The following MYO1D variants were observed in gnomAD, a reference collection of about 807,000 sequenced individuals.
MYO1D encodes unconventional myosin-Id.
MYO1D carries 83 observed loss-of-function variants against 122.0 expected under a neutral mutation model. That is an observed-to-expected ratio of 0.68 (90% confidence interval 0.57 to 0.82). The LOEUF (loss-of-function observed/expected upper bound fraction) is 0.82, where lower values mean the gene tolerates loss of function less well. Among genes scored for constraint, MYO1D ranks in the 40% least tolerant of loss-of-function variants. The pLI is 0.00. For synonymous variants in MYO1D, 464 were observed against 446.9 expected (o/e 1.04, Z -0.48); for missense variants, 1,157 against 1,269.5 (o/e 0.91, Z 1.35).
intron 1 of MYO1D, 72 bp from the exon 2 acceptor site, chr17:32,780,856 T>TTCTCCAATGAACGTATAGATGCGCC: frequency 6.9e-7 from 1 of 1,439,704 alleles, no homozygotes. Context: ...CCTGTGAGTC[T>TTCTCCAATGAACGTATAGATGCGCC]CTTATTTCCA....
chr17:32,627,265 G>T (rs1308912701), intron 20 of MYO1D, among the ~76,000 whole-genome samples: 1 of 152,216 alleles, frequency 6.6e-6, no homozygotes, highest in Non-Finnish European at 1.5e-5. Context: ...TTGAGGGAGG[G>T]CCGAGGGAGT....
chr17:32,670,684 C>T (rs963910556), intron 16 of MYO1D, among the ~76,000 whole-genome samples: 5 of 152,198 alleles, frequency 3.3e-5, no homozygotes, highest in African/African-American at 7.2e-5. Context: ...TGTTTTTACA[C>T]CATGTCCACT....
intron 21 of MYO1D, among the ~76,000 whole-genome samples, chr17:32,558,586 A>G (rs2087089272): frequency 6.6e-6 from 1 of 152,222 alleles, no homozygotes; most frequent in Admixed American, 6.5e-5. Flanking sequence ...TCTTTTCAAG[A>G]GAACCAGGCT....
At chr17:32,672,276 G>A (rs1010866787) in intron 16 of MYO1D, among the ~76,000 whole-genome samples, 4 of 152,178 alleles carry the variant, frequency 2.6e-5, no homozygotes, top group African/African-American at 9.7e-5. Flanking sequence ...CTGGCTCCAA[G>A]AATTGATCAT....
At chr17:32,624,825 T>C (rs977608484) in intron 20 of MYO1D, among the ~76,000 whole-genome samples, 2 of 151,718 alleles carry the variant, frequency 1.3e-5, no homozygotes, top group Non-Finnish European at 2.9e-5. Context: ...AGTCTTGCTC[T>C]TGTTGCCCAG....
chr17:32,679,253 C>G (rs1207760715), intron 16 of MYO1D, among the ~76,000 whole-genome samples: 2 of 150,506 alleles, frequency 1.3e-5, no homozygotes, highest in Non-Finnish European at 3.0e-5. Flanking sequence ...TGCAGAAGCT[C>G]TTTAGTTTAA....
intron 16 of MYO1D, among the ~76,000 whole-genome samples, chr17:32,694,171 G>A (rs1231064494): frequency 2.0e-5 from 3 of 152,018 alleles, no homozygotes; most frequent in Non-Finnish European, 4.4e-5. Context: ...TCTTCATTAC[G>A]GACACCTTTT....
intron 19 of MYO1D, among the ~76,000 whole-genome samples, chr17:32,651,711 CT>C (rs1423685048): frequency 1.8e-5 from 2 of 112,458 alleles, no homozygotes; most frequent in South Asian, 2.7e-4. Context: ...GAGTCTTGTT[CT>C]GTCACCCAGC....
At chr17:32,695,359 CT>C (rs2089159084) in intron 16 of MYO1D, among the ~76,000 whole-genome samples, 1 of 152,242 alleles carries the variant, frequency 6.6e-6, no homozygotes, top group African/African-American at 2.4e-5. Context: ...CCACCTGCTG[CT>C]GTGCGGCCTG....
chr17:32,822,417 C>A (rs1253780163), intron 1 of MYO1D, among the ~76,000 whole-genome samples: 1 of 151,478 alleles, frequency 6.6e-6, no homozygotes, highest in Non-Finnish European at 1.5e-5. Flanking sequence ...CAGCGCCGTC[C>A]GTCCGTTCGT....
intron 16 of MYO1D, among the ~76,000 whole-genome samples, chr17:32,679,324 A>G (rs2088871792): frequency 6.6e-6 from 1 of 151,856 alleles, no homozygotes; most frequent in Non-Finnish European, 1.5e-5. Flanking sequence ...TTGTACATGA[A>G]GTCCTTGCCC....
chr17:32,768,011 C>T (rs1325831548), intron 6 of MYO1D, among the ~76,000 whole-genome samples: 1 of 152,182 alleles, frequency 6.6e-6, no homozygotes, highest in Non-Finnish European at 1.5e-5. Flanking sequence ...GGAGCAAGTC[C>T]TGAGCTGGCT....
chr17:32,701,313 T>C (rs1448249330), intron 16 of MYO1D, among the ~76,000 whole-genome samples: 2 of 152,136 alleles, frequency 1.3e-5, no homozygotes, highest in Non-Finnish European at 2.9e-5. Context: ...CCAGATGGCT[T>C]CACAAGGGAG....
chr17:32,727,185 C>T (rs935197365), intron 14 of MYO1D, among the ~76,000 whole-genome samples: 12 of 152,324 alleles, frequency 7.9e-5, no homozygotes, highest in Admixed American at 2.6e-4. Flanking sequence ...GCCAAGAACA[C>T]GGTTTGCTAG....
intron 20 of MYO1D, among the ~76,000 whole-genome samples, chr17:32,631,087 G>A (rs2087999381): frequency 1.3e-5 from 2 of 152,156 alleles, no homozygotes; most frequent in South Asian, 4.1e-4. Context: ...TGAGGTACTG[G>A]GGGTTTGGAC....
intron 16 of MYO1D, among the ~76,000 whole-genome samples, chr17:32,668,228 C>G (rs1224496720): frequency 6.6e-6 from 1 of 152,146 alleles, no homozygotes; most frequent in African/African-American, 2.4e-5. Context: ...AGAGTTTGAG[C>G]ATCTGAGCAG....
intron 13 of MYO1D, among the ~76,000 whole-genome samples, chr17:32,743,183 C>G (rs1276379975): frequency 1.3e-5 from 2 of 152,116 alleles, no homozygotes; most frequent in African/African-American, 4.8e-5. Flanking sequence ...AGGAATTAGT[C>G]TTTTTAACCT....
intron 1 of MYO1D, among the ~76,000 whole-genome samples, chr17:32,792,052 A>C (rs911166714): frequency 1.3e-5 from 2 of 152,196 alleles, no homozygotes; most frequent in African/African-American, 4.8e-5. Flanking sequence ...GCTTCATAGT[A>C]TTCCATTTCA....
chr17:32,689,065 A>G (rs1314882122), intron 16 of MYO1D, among the ~76,000 whole-genome samples: 3 of 152,140 alleles, frequency 2.0e-5, no homozygotes, highest in Non-Finnish European at 4.4e-5. Flanking sequence ...GGGTAATATT[A>G]TTCTCTTCTT....
Sources: gnomAD v4.1 joint callset for allele counts (sites outside exome capture counted in the v4.1 genomes callset) on GRCh38, gnomAD v4.1.1 for gene constraint, MANE v1.5 for transcripts, NCBI Gene and HGNC (gene_info 2026-07-23, HGNC 2026-07-21) for gene names.